The following CCDC3 variants were observed in gnomAD, a reference collection of about 807,000 sequenced individuals.
The protein encoded by CCDC3 is coiled-coil domain-containing protein 3.
CCDC3 carries 24 observed loss-of-function variants against 21.4 expected under a neutral mutation model. That is an observed-to-expected ratio of 1.12 (90% CI 0.81 to 1.58). CCDC3 has a LOEUF of 1.58. CCDC3 is among the 40% of genes most tolerant of loss of function. The pLI is 0.00. For synonymous variants in CCDC3, 186 were observed against 166.0 expected (o/e 1.12, Z -0.93); for missense variants, 425 against 360.9 (o/e 1.18, Z -1.44).
chr10:13,073,942 C>A (rs7093805), exon 4 of CCDC3: 19,277 of 151,800 alleles, frequency 0.13, 1,516 homozygotes, highest in East Asian at 0.22. Flanking sequence ...GATGTCACCT[C>A]CTCTAACAGG....
At chr10:12,983,564 C>T (rs12247185) in intron 2 of CCDC3, among the ~76,000 whole-genome samples, 2 of 149,070 alleles carry the variant, frequency 1.3e-5, no homozygotes, top group African/African-American at 5.0e-5. Context: ...TGAGTGAAAC[C>T]CTCTCTCAAG....
At chr10:13,027,132 A>G (rs1026012360) in intron 5 of CCDC3, among the ~76,000 whole-genome samples, 2 of 152,174 alleles carry the variant, frequency 1.3e-5, no homozygotes, top group African/African-American at 4.8e-5. Flanking sequence ...CCTCTGAAGA[A>G]TAGGGAGTTG....
chr10:12,899,926 T>C (rs1164188634), intron 2 of CCDC3, among the ~76,000 whole-genome samples: 4 of 152,254 alleles, frequency 2.6e-5, no homozygotes, highest in Non-Finnish European at 5.9e-5. Context: ...CTAGCTCTTA[T>C]AATCTCCATG....
At chr10:13,041,110 C>T (rs987845258) in intron 5 of CCDC3, among the ~76,000 whole-genome samples, 10 of 151,942 alleles carry the variant, frequency 6.6e-5, no homozygotes, top group South Asian at 2.1e-4. Flanking sequence ...TTAGTAAGTG[C>T]GCTAAGAAAA....
At chr10:13,035,972 C>G (rs144030654) in intron 5 of CCDC3, among the ~76,000 whole-genome samples, 1 of 152,036 alleles carries the variant, frequency 6.6e-6, no homozygotes, top group Non-Finnish European at 1.5e-5. Flanking sequence ...GGTGAAACCC[C>G]GTCTGTACTA....
intron 2 of CCDC3, among the ~76,000 whole-genome samples, chr10:12,917,075 C>T (rs1357290526): frequency 6.6e-6 from 1 of 151,528 alleles, no homozygotes; most frequent in African/African-American, 2.4e-5. Context: ...AGGCGAAGTC[C>T]AGAGCTCACT....
chr10:13,079,383 C>A (rs985422118), intron 3 of CCDC3, among the ~76,000 whole-genome samples: 56 of 152,186 alleles, frequency 3.7e-4, no homozygotes, highest in Non-Finnish European at 1.2e-4. Context: ...AGGATCCTCA[C>A]GTACCACGTG....
At chr10:12,949,069 G>A (rs1382428382) in intron 2 of CCDC3, among the ~76,000 whole-genome samples, 2 of 152,128 alleles carry the variant, frequency 1.3e-5, no homozygotes, top group African/African-American at 2.4e-5. Flanking sequence ...GCTGGGCCAT[G>A]AGTGAACTGC....
intron 5 of CCDC3, among the ~76,000 whole-genome samples, chr10:13,007,600 A>G (rs901267820): frequency 1.1e-4 from 17 of 152,090 alleles, no homozygotes; most frequent in Admixed American, 2.6e-4. Flanking sequence ...TGGTTATACC[A>G]CTAGTTGAAC....
At position 12,898,696 on chromosome 10, in the gene CCDC3, C is replaced by A. The variant is rs757620054; in HGVS notation, c.550-17G>T. On this transcript the variant is annotated splice_polypyrimidine_tract_variant and intron_variant, in intron 2 of 2. Transcript: ENST00000378825. ...GCACATGAGCTGGAGGCAGAGACAG[C>A]GTGCAAGGAGAGGAGGTGAGTCCCA... The A allele has an allele frequency of 5.0e-6, 8 of 1,612,564 alleles. No individual in the cohort carries two copies. Among genetic ancestry groups the A allele is most frequent in the African/African-American group, 2.7e-5 (2 of 75,006 alleles).
At chr10:12,966,847 T>C (rs531786034) in intron 2 of CCDC3, among the ~76,000 whole-genome samples, 1 of 152,364 alleles carries the variant, frequency 6.6e-6, no homozygotes, top group East Asian at 1.9e-4. Flanking sequence ...TTACTTTGTA[T>C]AGCACTTGAC....
chr10:12,909,779 C>G (rs560658931), intron 2 of CCDC3, among the ~76,000 whole-genome samples: 5 of 152,332 alleles, frequency 3.3e-5, no homozygotes, highest in Non-Finnish European at 1.5e-5. Context: ...GCTCCCTCCC[C>G]ACTGGTGCTA....
chr10:13,018,469 C>T (rs544127523), intron 5 of CCDC3, among the ~76,000 whole-genome samples: 1 of 152,260 alleles, frequency 6.6e-6, no homozygotes, highest in South Asian at 2.1e-4. Context: ...ACAAAGACTC[C>T]CGGCCTACAG....
chr10:13,045,641 T>C (rs75172993), intron 5 of CCDC3, among the ~76,000 whole-genome samples: 10,420 of 151,806 alleles, frequency 0.069, 513 homozygotes, highest in Non-Finnish European at 0.11. Context: ...AAACAAAATA[T>C]ATATACATAA....
At chr10:13,050,948 G>A (rs989349936) in intron 4 of CCDC3, among the ~76,000 whole-genome samples, 12 of 151,770 alleles carry the variant, frequency 7.9e-5, no homozygotes, top group East Asian at 3.9e-4. Flanking sequence ...CACCACACCC[G>A]GCTAATTTAA....
intron 2 of CCDC3, among the ~76,000 whole-genome samples, chr10:12,970,480 T>C (rs1029273554): frequency 6.6e-6 from 1 of 152,246 alleles, no homozygotes; most frequent in Non-Finnish European, 1.5e-5. Context: ...TGAGGTAGTA[T>C]ACATGTTAAT....
chr10:12,952,017 C>T (rs1043692384), intron 2 of CCDC3, among the ~76,000 whole-genome samples: 1 of 151,992 alleles, frequency 6.6e-6, no homozygotes, highest in Non-Finnish European at 1.5e-5. Flanking sequence ...CCATAGGCCA[C>T]GAGTATACCC....
intron 5 of CCDC3, among the ~76,000 whole-genome samples, chr10:13,025,207 G>T (rs964036471): frequency 1.3e-5 from 2 of 152,176 alleles, no homozygotes; most frequent in South Asian, 2.1e-4. Flanking sequence ...ACTGGATGCT[G>T]GTTGGAGGTT....
At chr10:12,909,797 G>A (rs1008110376) in intron 2 of CCDC3, among the ~76,000 whole-genome samples, 3 of 152,188 alleles carry the variant, frequency 2.0e-5, no homozygotes, top group Non-Finnish European at 4.4e-5. Flanking sequence ...CTATCCACCT[G>A]ACCCATCTCT....
Sources: allele counts gnomAD v4.1 joint callset (sites outside exome capture counted in the v4.1 genomes callset), GRCh38; gene constraint gnomAD v4.1.1; transcripts MANE v1.5; gene names NCBI Gene and HGNC (gene_info 2026-07-23, HGNC 2026-07-21).